SPRY3: variants seen among roughly 807,000 people sequenced by gnomAD.
The protein encoded by SPRY3 is sprouty RTK signaling antagonist 3.
A neutral mutation model predicts 20.2 loss-of-function variants in SPRY3; 15 were observed. That is an observed-to-expected ratio of 0.74 (90% CI 0.50 to 1.14). SPRY3 has a LOEUF of 1.14. Ranked by LOEUF, SPRY3 falls within the 50% of genes most tolerant of loss-of-function variation. The pLI is 0.00. For missense variants in SPRY3, 364 were observed against 363.9 expected (o/e 1.00, Z 0.00); for synonymous variants, 143 against 136.5 (o/e 1.05, Z -0.33).
chrX:155,667,268 G>A (rs782618856), intron 2 of SPRY3, among the ~76,000 whole-genome samples: 5 of 110,917 alleles, frequency 4.5e-5, no homozygotes, highest in Non-Finnish European at 9.5e-5. Context: ...GGGGCATTTT[G>A]TTTGTTGTTT....
At chrX:155,725,031 G>T (rs1193232962) in intron 2 of SPRY3, among the ~76,000 whole-genome samples, 2 of 152,108 alleles carry the variant, frequency 1.3e-5, no homozygotes, top group Non-Finnish European at 2.9e-5. Flanking sequence ...AGCATGAAGG[G>T]CTGTTGAATT....
At chrX:155,615,499 G>C (rs186808280) in intron 1 of SPRY3, among the ~76,000 whole-genome samples, 1 of 112,344 alleles carries the variant, frequency 8.9e-6, no homozygotes, top group East Asian at 2.8e-4. Context: ...ATCTTTGAAA[G>C]AGTTAAAAAA....
At chrX:155,635,609 A>G (rs1329975975) in intron 1 of SPRY3, among the ~76,000 whole-genome samples, 1 of 112,368 alleles carries the variant, frequency 8.9e-6, no homozygotes, top group Non-Finnish European at 1.9e-5. Flanking sequence ...AAACGTATGA[A>G]AAAAGCTCAT....
intron 2 of SPRY3, among the ~76,000 whole-genome samples, chrX:155,752,196 A>G (rs1199505776): frequency 6.6e-6 from 1 of 151,678 alleles, no homozygotes; most frequent in Non-Finnish European, 1.5e-5. Flanking sequence ...ACCTTGGTGT[A>G]GCACATAAGC....
chrX:155,615,566 C>G (rs1286504257), intron 1 of SPRY3, among the ~76,000 whole-genome samples: 1 of 111,882 alleles, frequency 8.9e-6, no homozygotes, highest in Non-Finnish European at 1.9e-5. Context: ...AATAAATATT[C>G]TGGACACAGT....
chrX:155,618,186 TCTC>T (rs1206045246), intron 1 of SPRY3, among the ~76,000 whole-genome samples: 7 of 111,934 alleles, frequency 6.3e-5, no homozygotes, highest in Non-Finnish European at 1.1e-4. Flanking sequence ...CACTTCCCTT[TCTC>T]CTCCTCAACA....
At chrX:155,751,973 TA>T (rs929507292) in intron 2 of SPRY3, among the ~76,000 whole-genome samples, 23 of 90,172 alleles carry the variant, frequency 2.6e-4, no homozygotes, top group African/African-American at 1.2e-3. Flanking sequence ...TAAAATAAAA[TA>T]AAATAAAATA....
In SPRY3 at chrX:155,733,085, T is replaced by C. The variant is rs755025073; in HGVS notation, c.-281-34877T>C. ...AAAAGAATGAATAAATTCCAGTATT[T>C]GATAGTACAATAGGGTGACTATATT... On this transcript the variant is annotated intron_variant, in intron 2 of 3. Transcript: ENST00000675360. Among the ~76,000 whole-genome samples, 217 of 152,032 alleles carry C rather than the reference T, an allele frequency of 1.4e-3. No homozygotes were observed. The South Asian group carries it at 0.033, about 23-fold the overall frequency.
intron 2 of SPRY3, among the ~76,000 whole-genome samples, chrX:155,676,371 T>A (rs2068058931): frequency 9.0e-6 from 1 of 111,358 alleles, no homozygotes; most frequent in Non-Finnish European, 1.9e-5. Context: ...TAAGGATAAA[T>A]ATTGGTGTTA....
chrX:155,689,672 G>A, intron 2 of SPRY3, among the ~76,000 whole-genome samples: 1 of 85,077 alleles, frequency 1.2e-5, no homozygotes, highest in African/African-American at 5.7e-5. Flanking sequence ...TATCCCCTTT[G>A]TCATTTTTAA....
chrX:155,631,537 G>T (rs914724096), intron 1 of SPRY3, among the ~76,000 whole-genome samples: 1 of 111,799 alleles, frequency 8.9e-6, no homozygotes, highest in African/African-American at 3.3e-5. Flanking sequence ...CTTTCCACAG[G>T]GCTGGACTAA....
At chrX:155,648,892 A>G (rs185242623) in intron 1 of SPRY3, among the ~76,000 whole-genome samples, 1 of 112,007 alleles carries the variant, frequency 8.9e-6, no homozygotes, top group East Asian at 2.8e-4. Flanking sequence ...AAAGAAGAAA[A>G]GAGAGAAGAA....
intron 2 of SPRY3, among the ~76,000 whole-genome samples, chrX:155,748,780 C>A (rs745307765): frequency 6.6e-6 from 1 of 151,744 alleles, no homozygotes; most frequent in Admixed American, 6.6e-5. Flanking sequence ...TTTCCACGTA[C>A]AATAAACAAG....
chrX:155,764,460 C>T (rs1054119848), intron 2 of SPRY3, among the ~76,000 whole-genome samples: 9 of 152,074 alleles, frequency 5.9e-5, no homozygotes, highest in African/African-American at 1.9e-4. Context: ...CACGGAACTT[C>T]GAGTTGTCTT....
At chrX:155,731,546 T>C (rs2091132408) in intron 2 of SPRY3, among the ~76,000 whole-genome samples, 1 of 152,118 alleles carries the variant, frequency 6.6e-6, no homozygotes, top group Non-Finnish European at 1.5e-5. Context: ...TCTCAAACTA[T>C]GAAACTACTA....
At chrX:155,727,012 T>A (rs1028381669) in intron 2 of SPRY3, among the ~76,000 whole-genome samples, 15 of 151,948 alleles carry the variant, frequency 9.9e-5, no homozygotes, top group African/African-American at 3.6e-4. Context: ...GTGACAAATC[T>A]CTCGGCATTT....
At chrX:155,753,548 T>G (rs1271210050) in intron 2 of SPRY3, among the ~76,000 whole-genome samples, 6 of 151,960 alleles carry the variant, frequency 3.9e-5, no homozygotes, top group Admixed American at 1.3e-4. Flanking sequence ...CATGTACATG[T>G]TTTTGTATAG....
intron 1 of SPRY3, chrX:155,612,970 C>T (rs1365097613): frequency 8.9e-6 from 1 of 112,740 alleles, no homozygotes; most frequent in African/African-American, 3.2e-5. Flanking sequence ...CCGCCCCACT[C>T]CTTCCGGCCG....
chrX:155,739,306 A>C (rs1602979077), intron 2 of SPRY3, among the ~76,000 whole-genome samples: 1 of 151,986 alleles, frequency 6.6e-6, no homozygotes, highest in African/African-American at 2.4e-5. Flanking sequence ...CATAACTCTG[A>C]TCTCTCCCTG....
Sources: gnomAD v4.1 joint callset for allele counts (sites outside exome capture counted in the v4.1 genomes callset) on GRCh38, gnomAD v4.1.1 for gene constraint, MANE v1.5 for transcripts, NCBI Gene and HGNC (gene_info 2026-07-23, HGNC 2026-07-21) for gene names.